Variants in PTPRS observed in about 807,000 individuals in gnomAD.
PTPRS encodes the protein receptor-type tyrosine-protein phosphatase S.
A neutral mutation model predicts 215.3 loss-of-function variants in PTPRS; 63 were observed. That is an observed-to-expected ratio of 0.29 (90% CI 0.24 to 0.36). PTPRS has a LOEUF of 0.36. Ranked by LOEUF, PTPRS falls within the 10% of genes least tolerant of loss-of-function variation. The pLI is 1.00. For synonymous variants in PTPRS, 1,404 were observed against 1,191.4 expected (o/e 1.18, Z -3.68); for missense variants, 2,258 against 2,825.8 (o/e 0.80, Z 4.56).
rs754218171 is a variant in PTPRS, at chr19:5,222,112, G to A, written c.3201+11C>T. Reference sequence around the variant, plus strand: ...TGCCTGCCTGCCTGCCTGCTGGCTGGGCAGTCGCACCTTGTAGGGTGTGGG... The same window carrying A: ...TGCCTGCCTGCCTGCCTGCTGGCTGAGCAGTCGCACCTTGTAGGGTGTGGG... On this transcript the variant is annotated intron_variant, in intron 19 of 37. Transcript: ENST00000262963. 33 of 1,608,438 alleles carry A rather than the reference G, an allele frequency of 2.1e-5. No homozygotes were observed. The highest frequency in any genetic ancestry group is 2.7e-5 in the Non-Finnish European group (32 of 1,175,334).
At chr19:5,223,810 C>A (rs1461911641) in intron 17 of PTPRS, among the ~76,000 whole-genome samples, 1 of 151,602 alleles carries the variant, frequency 6.6e-6, no homozygotes, top group Non-Finnish European at 1.5e-5. Flanking sequence ...GATCCACCCG[C>A]CTCAGCCTCC....
chr19:5,332,713 T>TCTTGGGCAAGTTGCTCTCC (rs2050367426), intron 1 of PTPRS, among the ~76,000 whole-genome samples: 2 of 152,164 alleles, frequency 1.3e-5, no homozygotes, highest in African/African-American at 4.8e-5. Flanking sequence ...GGCTGTGTGG[T>TCTTGGGCAAGTTGCTCTCC]CTTGGGCAAG....
At chr19:5,318,860 G>A (rs138982503) in intron 1 of PTPRS, among the ~76,000 whole-genome samples, 53 of 152,202 alleles carry the variant, frequency 3.5e-4, no homozygotes, top group Admixed American at 7.2e-4. Context: ...AGGCTGTCAG[G>A]GTGTCTAGCA....
chr19:5,210,257 G>C lies in PTPRS; in HGVS notation c.5487+212C>G, dbSNP rs1215606567. Among the ~76,000 whole-genome samples the C allele has an allele frequency of 6.6e-6, 1 of 152,186 alleles. No individual in the cohort carries two copies. The highest frequency in any genetic ancestry group is 2.4e-5 in the African/African-American group (1 of 41,444). ...ATCCCCTGGGGCCATGTTCCCTAGT[G>C]AGTGGAGACACTGCAGGGTCAGCAC... is the stretch of plus-strand genomic sequence containing the variant. On this transcript the variant is annotated intron_variant, in intron 35 of 37. Coordinates refer to ENST00000262963, the MANE Select transcript of PTPRS (RefSeq NM_002850.4). This position sits in a 1 kb window ranked among gnomAD's most constrained non-coding sequence, Gnocchi z 4.5.
chr19:5,222,711 G>A lies in PTPRS; in HGVS notation c.3081C>T (p.Tyr1027=). 2 of 1,593,354 alleles carry A rather than the reference G, an allele frequency of 1.3e-6. No individual in the cohort carries two copies. The highest frequency in any genetic ancestry group is 8.5e-7 in the Non-Finnish European group (1 of 1,176,004). Residue 1027 remains tyrosine, a synonymous_variant, in exon 18 of 38, where the codon TAC becomes TAT. Transcript: ENST00000262963. ...GPGPFSPPVR[Y]RTFLRDQVSP... ...TACCTTGGTCCCGCAGGAACGTCCG[G>A]TAGCGGACGGGGGGGCTGAAGGGGC...
At chr19:5,288,651 G>C (rs1292902690) in intron 1 of PTPRS, among the ~76,000 whole-genome samples, 1 of 152,204 alleles carries the variant, frequency 6.6e-6, no homozygotes, top group Non-Finnish European at 1.5e-5. Context: ...TTGAGCAGCT[G>C]GGCAGGCCTG....
chr19:5,240,386 G>C, intron 11 of PTPRS, 54 bp from the exon 12 acceptor site: 1 of 1,499,240 alleles, frequency 6.7e-7, no homozygotes, highest in Non-Finnish European at 8.9e-7. Flanking sequence ...CCCCACAAAG[G>C]GGGCCCCACC....
chr19:5,243,777 G>A lies in PTPRS; in HGVS notation c.1570+124C>T, dbSNP rs1599648564. ...GTAAACCACCACACCCGGCCTAAATGCTAGCATGAAAATATCTTAAAGCAC... is the reference window on the plus strand; with the variant it reads ...GTAAACCACCACACCCGGCCTAAATACTAGCATGAAAATATCTTAAAGCAC... On this transcript the variant is annotated intron_variant, in intron 11 of 37. Transcript: ENST00000262963. 7.4e-6 allele frequency: 7 copies of A among 945,982 alleles called. 1 individual carries two copies. The highest frequency in any genetic ancestry group is 3.5e-4 in the Middle Eastern group (1 of 2,884). The allele number at this position is 945,982 out of a possible 1,614,324, so 58.6% of individuals were successfully genotyped here.
chr19:5,216,865 G>A, intron 25 of PTPRS, 98 bp from the exon 26 acceptor site: 1 of 785,396 alleles, frequency 1.3e-6, no homozygotes, highest in Non-Finnish European at 2.1e-6. Context: ...CGGATGCAAA[G>A]GGCAGAGCAA....
rs1244636907 is a variant in PTPRS, at chr19:5,205,747, G to T, written c.*1027C>A. Among the ~76,000 whole-genome samples, 1 of 152,086 alleles carries T rather than the reference G, an allele frequency of 6.6e-6. No individual in the cohort carries two copies. Among genetic ancestry groups the T allele is most frequent in the Non-Finnish European group, 1.5e-5 (1 of 68,018 alleles). ...AGGGTCCCTGATGTGGGGCAGCACAGCCATACAGCCACTGTCCCCGAAGAA... is the reference window on the plus strand; with the variant it reads ...AGGGTCCCTGATGTGGGGCAGCACATCCATACAGCCACTGTCCCCGAAGAA... On this transcript the variant is annotated 3_prime_UTR_variant, in exon 38 of 38. Coordinates refer to ENST00000262963, the MANE Select transcript of PTPRS (RefSeq NM_002850.4).
At chr19:5,240,421 G>A in intron 11 of PTPRS, 89 bp from the exon 12 acceptor site, 3 of 1,314,040 alleles carry the variant, frequency 2.3e-6, no homozygotes, top group Non-Finnish European at 3.0e-6. Flanking sequence ...ACTAAAAGAT[G>A]CCAGCTCTGG....
intron 6 of PTPRS, among the ~76,000 whole-genome samples, chr19:5,261,218 C>T (rs1036731316): frequency 2.0e-5 from 3 of 151,988 alleles, no homozygotes; most frequent in African/African-American, 7.3e-5. Flanking sequence ...TCCTTCTTTC[C>T]GTCTTAGGGA....
At chr19:5,243,803 C>T (rs776439876) in intron 11 of PTPRS, 98 bp downstream of exon 11, 11 of 1,057,970 alleles carry the variant, frequency 1.0e-5, no homozygotes, top group Admixed American at 3.2e-5. Context: ...CTTAAAGCAC[C>T]GTGCATAACC....
At chr19:5,275,383 C>CT (rs1423670747) in intron 2 of PTPRS, among the ~76,000 whole-genome samples, 1 of 98,298 alleles carries the variant, frequency 1.0e-5, no homozygotes, top group East Asian at 2.5e-4. Context: ...TTTTCTTTTT[C>CT]TTTTCTTTTT....
chr19:5,268,122 A>T (rs1395618964), intron 4 of PTPRS, among the ~76,000 whole-genome samples: 1 of 152,128 alleles, frequency 6.6e-6, no homozygotes, highest in African/African-American at 2.4e-5. Context: ...GTGAGCAGAG[A>T]TCGCGCCACT....
In PTPRS at chr19:5,257,963, G is replaced by T; in HGVS notation, c.706+54C>A. ...CGGAGGCGGTGAGCCCGAGGAGGGAGGGGGATGGGACGGGGCGGGTCCCTG... is the reference window on the plus strand; with the variant it reads ...CGGAGGCGGTGAGCCCGAGGAGGGATGGGGATGGGACGGGGCGGGTCCCTG... On this transcript the variant is annotated intron_variant, in intron 8 of 37. Coordinates refer to ENST00000262963, the MANE Select transcript of PTPRS (RefSeq NM_002850.4). This position sits in a 1 kb window ranked among gnomAD's most constrained non-coding sequence, Gnocchi z 4.4. 1.4e-6 allele frequency: 2 copies of T among 1,477,364 alleles called. No homozygotes were observed. Among genetic ancestry groups the T allele is most frequent in the Non-Finnish European group, 1.9e-6 (2 of 1,068,968 alleles). The allele number at this position is 1,477,364 out of a possible 1,614,324, so 91.5% of individuals were successfully genotyped here.
At position 5,214,555 on chromosome 19, in the gene PTPRS, G is replaced by T. The variant is rs781683724; in HGVS notation, c.4494+6C>A. The T allele has an allele frequency of 1.2e-6, 2 of 1,611,838 alleles. No homozygotes were observed. The highest frequency in any genetic ancestry group is 4.5e-5 in the East Asian group (2 of 44,800). On this transcript the variant is annotated splice_donor_region_variant and intron_variant, in intron 29 of 37. Coordinates refer to ENST00000262963, the MANE Select transcript of PTPRS (RefSeq NM_002850.4). ...GGGCTTGAGGGCCGTGGGGTCCAAG[G>T]CTCACCCGTGACTTCTCCTCCAGCC...
chr19:5,286,018 A>G, intron 2 of PTPRS, 32 bp downstream of exon 2: 1 of 1,590,378 alleles, frequency 6.3e-7, no homozygotes, highest in East Asian at 2.3e-5. Flanking sequence ...ACAAACACGC[A>G]GACCCCTGCA....
chr19:5,215,666 T>A, intron 26 of PTPRS, 71 bp from the exon 27 acceptor site: 1 of 1,021,108 alleles, frequency 9.8e-7, no homozygotes, highest in South Asian at 1.5e-5. Flanking sequence ...GGGAGGGGGG[T>A]GATCTACGTG....
Sources: allele counts gnomAD v4.1 joint callset (sites outside exome capture counted in the v4.1 genomes callset), GRCh38; gene constraint gnomAD v4.1.1; non-coding constraint Gnocchi (gnomAD v3.1); transcripts MANE v1.5; gene names NCBI Gene and HGNC (gene_info 2026-07-23, HGNC 2026-07-21).